The following FGFR2 variants were observed in gnomAD, a reference collection of about 807,000 sequenced individuals.
FGFR2 encodes fibroblast growth factor receptor 2.
In FGFR2, 19 loss-of-function variants were observed where a neutral mutation model predicts 95.9. The observed-to-expected ratio is 0.20, with a 90% CI of 0.14 to 0.29. The LOEUF is 0.29. FGFR2 is among the 10% of genes least tolerant of loss of function. The pLI, the probability that FGFR2 is intolerant of heterozygous loss-of-function variation, is 1.00. For synonymous variants in FGFR2, 392 were observed against 393.3 expected (o/e 1.00, Z 0.04); for missense variants, 707 against 1,056.9 (o/e 0.67, Z 4.59).
chr10:121,572,349 A>C (rs1858938655), intron 2 of FGFR2, among the ~76,000 whole-genome samples: 1 of 152,024 alleles, frequency 6.6e-6, no homozygotes, highest in South Asian at 2.1e-4. Flanking sequence ...GCCCAGGCAC[A>C]GTGGCTCATG....
Position 121,500,822 on chromosome 10 carries a change from T to G in FGFR2, c.1561+4A>C, listed in dbSNP as rs1847507732. On this transcript the variant is annotated splice_donor_region_variant and intron_variant, in intron 11 of 17. Transcript: ENST00000358487. ...CTCCCCGAGCCTCCCGCCTCCCCGCTCACCTTTCAACATCTTCACGGCCAC... is the reference window on the plus strand; with the variant it reads ...CTCCCCGAGCCTCCCGCCTCCCCGCGCACCTTTCAACATCTTCACGGCCAC... The G allele has an allele frequency of 6.2e-7, 1 of 1,613,844 alleles. No individual in the cohort carries two copies. The highest frequency in any genetic ancestry group is 1.3e-5 in the African/African-American group (1 of 75,008).
chr10:121,488,994 G>T (rs905245919), intron 13 of FGFR2, among the ~76,000 whole-genome samples: 2 of 152,192 alleles, frequency 1.3e-5, no homozygotes, highest in African/African-American at 4.8e-5. Context: ...CTCCTCAGTT[G>T]TTCCTCCTCT....
Position 121,538,707 on chromosome 10 carries a change from G to T in FGFR2, c.633C>A (p.Asn211Lys). ...EHRIGGYKVR[N>K]QHWSLIMESV... ...TTTCCATAATGAGGCTCCAGTGCTG[G>T]TTTCGTACCTGAAAAGATCAAAGCA... The change falls in exon 6 of 18, where the codon AAC (asparagine) becomes AAA (lysine). Residue 211 changes from asparagine to lysine, a missense_variant. By Grantham distance (94) the Asn-to-Lys change is moderately conservative (BLOSUM62 0). Transcript: ENST00000358487. The T allele has an allele frequency of 6.2e-7, 1 of 1,614,140 alleles. No homozygotes were observed. The highest frequency in any genetic ancestry group is 8.5e-7 in the Non-Finnish European group (1 of 1,180,022).
intron 12 of FGFR2, among the ~76,000 whole-genome samples, chr10:121,497,885 A>G (rs1411409721): frequency 6.6e-6 from 1 of 152,222 alleles, no homozygotes; most frequent in Admixed American, 6.5e-5. Flanking sequence ...AAGTTCACCA[A>G]TTACTATATA....
intron 6 of FGFR2, among the ~76,000 whole-genome samples, chr10:121,533,585 C>T (rs1852381414): frequency 1.3e-5 from 2 of 152,228 alleles, no homozygotes; most frequent in African/African-American, 4.8e-5. Context: ...AAATCGTCTA[C>T]ATGAGTGAGG....
intron 10 of FGFR2, 99 bp downstream of exon 10, chr10:121,503,691 G>T: frequency 7.5e-7 from 1 of 1,339,374 alleles, no homozygotes; most frequent in Non-Finnish European, 1.1e-6. Flanking sequence ...ATCACACCAA[G>T]ACCTTTGTGG....
At chr10:121,545,774 T>C (rs1402216870) in intron 5 of FGFR2, among the ~76,000 whole-genome samples, 1 of 152,224 alleles carries the variant, frequency 6.6e-6, no homozygotes, top group Non-Finnish European at 1.5e-5. Context: ...AATTAACCTA[T>C]GCTTCAAAAC....
chr10:121,580,962 G>A (rs1332096881), intron 2 of FGFR2, among the ~76,000 whole-genome samples: 2 of 152,196 alleles, frequency 1.3e-5, no homozygotes, highest in African/African-American at 4.8e-5. Flanking sequence ...GCATCCCCCA[G>A]GCGAGGCACC....
chr10:121,543,331 G>A (rs1173516960), intron 5 of FGFR2, among the ~76,000 whole-genome samples: 1 of 152,180 alleles, frequency 6.6e-6, no homozygotes, highest in African/African-American at 2.4e-5. Context: ...CCAACATGGT[G>A]AAACTCTGTC....
At chr10:121,503,310 A>G (rs1589777774) in intron 10 of FGFR2, among the ~76,000 whole-genome samples, 1 of 152,354 alleles carries the variant, frequency 6.6e-6, no homozygotes, top group African/African-American at 2.4e-5. Context: ...CAGGTACCAT[A>G]TTTGAAGCTT....
At chr10:121,494,398 T>C (rs1426717869) in intron 13 of FGFR2, among the ~76,000 whole-genome samples, 1 of 151,582 alleles carries the variant, frequency 6.6e-6, no homozygotes, top group Non-Finnish European at 1.5e-5. Flanking sequence ...GCTCTAGGAG[T>C]AGATGTTGAA....
chr10:121,502,462 A>G (rs1847725451), intron 10 of FGFR2, among the ~76,000 whole-genome samples: 1 of 152,198 alleles, frequency 6.6e-6, no homozygotes, highest in African/African-American at 2.4e-5. Flanking sequence ...TATCCATACA[A>G]TTATTCAGTC....
intron 6 of FGFR2, among the ~76,000 whole-genome samples, chr10:121,521,637 C>T (rs1850555346): frequency 1.6e-5 from 1 of 63,648 alleles, no homozygotes; most frequent in East Asian, 6.4e-4. Flanking sequence ...TGACACCTGT[C>T]AGGATGGGAA....
chr10:121,581,761 TAAAAAAAAAAAA>T (rs55911512), intron 2 of FGFR2, among the ~76,000 whole-genome samples: 1 of 62,558 alleles, frequency 1.6e-5, no homozygotes, highest in South Asian at 8.0e-4. Flanking sequence ...ACCCTGCATT[TAAAAAAAAAAAA>T]AAAAAAAAAA....
In FGFR2 at chr10:121,511,198, G is replaced by A. The variant is rs574579592; in HGVS notation, c.1287+3919C>T. Among the ~76,000 whole-genome samples, 31 of 152,068 alleles carry A rather than the reference G, an allele frequency of 2.0e-4. No individual in the cohort carries two copies. In the South Asian group the frequency reaches 6.2e-3, roughly 31 times the overall value. ...AAAAAAACAAAAAAAAAACCACCCT[G>A]CAGCCTCTTGTACCATGCTGACGGC... On this transcript the variant is annotated intron_variant, in intron 9 of 17. Coordinates refer to ENST00000358487, the MANE Select transcript of FGFR2 (RefSeq NM_000141.5).
intron 5 of FGFR2, among the ~76,000 whole-genome samples, chr10:121,548,046 T>C (rs534191866): frequency 3.9e-4 from 59 of 152,060 alleles, no homozygotes; most frequent in Non-Finnish European, 7.5e-4. Context: ...GTTTCTGGCA[T>C]CTCCAAAATG....
chr10:121,512,062 A>G (rs1361094547), intron 9 of FGFR2, among the ~76,000 whole-genome samples: 1 of 152,082 alleles, frequency 6.6e-6, no homozygotes, highest in Non-Finnish European at 1.5e-5. Flanking sequence ...AGTCAGGGCC[A>G]TGGAGACACT....
At chr10:121,539,323 G>A (rs1191965398) in intron 5 of FGFR2, among the ~76,000 whole-genome samples, 1 of 152,174 alleles carries the variant, frequency 6.6e-6, no homozygotes, top group Non-Finnish European at 1.5e-5. Context: ...ATGTTCCTCA[G>A]AGAAATACCC....
At chr10:121,532,715 G>C (rs1852253918) in intron 6 of FGFR2, among the ~76,000 whole-genome samples, 2 of 152,234 alleles carry the variant, frequency 1.3e-5, no homozygotes. Flanking sequence ...TCTTCCACTG[G>C]GGATGGGCTG....
Sources: allele counts gnomAD v4.1 joint callset (sites outside exome capture counted in the v4.1 genomes callset), GRCh38; gene constraint gnomAD v4.1.1; transcripts MANE v1.5; gene names NCBI Gene and HGNC (gene_info 2026-07-23, HGNC 2026-07-21).